CNTNAP5: variants seen among roughly 807,000 people sequenced by gnomAD.
CNTNAP5 encodes contactin associated protein family member 5.
CNTNAP5 carries 72 observed loss-of-function variants against 150.2 expected under a neutral mutation model. That is an observed-to-expected ratio of 0.48 (90% CI 0.40 to 0.58). CNTNAP5 has a LOEUF of 0.58. Ranked by LOEUF, CNTNAP5 falls within the 20% of genes least tolerant of loss-of-function variation. The probability of loss-of-function intolerance (pLI) is 0.00; values close to 1 mark genes in which losing one functional copy is unlikely to be tolerated. For missense variants in CNTNAP5, 1,636 were observed against 1,626.2 expected, an observed-to-expected ratio of 1.01 and a Z score of -0.10; for synonymous variants, 672 against 619.8, an observed-to-expected ratio of 1.08 and a Z score of -1.25.
intron 3 of CNTNAP5, among the ~76,000 whole-genome samples, chr2:124,242,825 T>G (rs181821126): frequency 1.0e-3 from 155 of 152,334 alleles, no homozygotes; most frequent in African/African-American, 3.4e-3. Flanking sequence ...TTGATCAACA[T>G]TGCCCAATGT....
intron 1 of CNTNAP5, among the ~76,000 whole-genome samples, chr2:124,046,828 A>G (rs1369017120): frequency 6.6e-6 from 1 of 152,214 alleles, no homozygotes; most frequent in Non-Finnish European, 1.5e-5. Flanking sequence ...GAGTGATACC[A>G]TGCCTTGTAC....
At position 124,348,792 on chromosome 2, in the gene CNTNAP5, G is replaced by A. The variant is rs187636035; in HGVS notation, c.382-68651G>A. 1.4e-3 allele frequency among the ~76,000 whole-genome samples: 219 copies of A among 152,064 alleles called. 1 individual carries two copies. The highest frequency in any genetic ancestry group is 4.6e-3 in the African/African-American group (192 of 41,476). On this transcript the variant is annotated intron_variant, in intron 3 of 23. Transcript: ENST00000682447. ...TATTTTATGTCTCCCCAAATTTCTA[G>A]AAATAGTGTTATAGAATCACAGGAT...
intron 13 of CNTNAP5, among the ~76,000 whole-genome samples, chr2:124,718,834 A>G (rs1172331326): frequency 1.3e-5 from 2 of 151,952 alleles, no homozygotes; most frequent in Non-Finnish European, 2.9e-5. Flanking sequence ...AGTCCCAGCT[A>G]CTCGGGATGC....
At chr2:124,235,407 A>C (rs1222027797) in intron 2 of CNTNAP5, among the ~76,000 whole-genome samples, 1 of 151,774 alleles carries the variant, frequency 6.6e-6, no homozygotes, top group Non-Finnish European at 1.5e-5. Context: ...CCTAAGAGCT[A>C]AGCTTCTCCT....
intron 3 of CNTNAP5, among the ~76,000 whole-genome samples, chr2:124,371,197 G>A (rs1253707493): frequency 6.6e-6 from 1 of 152,114 alleles, no homozygotes; most frequent in Non-Finnish European, 1.5e-5. Flanking sequence ...GAGGGAAAGT[G>A]AGAGTAACCC....
intron 1 of CNTNAP5, among the ~76,000 whole-genome samples, chr2:124,030,396 T>C (rs1681012149): frequency 6.6e-6 from 1 of 152,120 alleles, no homozygotes; most frequent in Admixed American, 6.6e-5. Flanking sequence ...TCAAGGTTAG[T>C]AGAAGTTAAT....
intron 1 of CNTNAP5, among the ~76,000 whole-genome samples, chr2:124,167,719 A>G (rs987378562): frequency 6.6e-6 from 1 of 152,228 alleles, no homozygotes; most frequent in Non-Finnish European, 1.5e-5. Context: ...GCTACTCTGC[A>G]GTGTGAGAGG....
intron 7 of CNTNAP5, among the ~76,000 whole-genome samples, chr2:124,500,358 G>A (rs1694248255): frequency 6.6e-6 from 1 of 152,124 alleles, no homozygotes. Flanking sequence ...TTTTATAGTA[G>A]CAGGAAAGAT....
intron 8 of CNTNAP5, among the ~76,000 whole-genome samples, chr2:124,520,896 C>T (rs923205472): frequency 1.5e-4 from 23 of 152,168 alleles, no homozygotes; most frequent in Non-Finnish European, 4.4e-5. Context: ...TCCACTTTTA[C>T]CTTTAAGAGA....
chr2:124,436,787 A>G (rs1489594322), intron 5 of CNTNAP5, among the ~76,000 whole-genome samples: 1 of 152,196 alleles, frequency 6.6e-6, no homozygotes, highest in Admixed American at 6.5e-5. Context: ...ATGGAGGATT[A>G]AGTAGTAAGA....
chr2:124,143,888 A>G (rs1418867844), intron 1 of CNTNAP5, among the ~76,000 whole-genome samples: 1 of 108,962 alleles, frequency 9.2e-6, no homozygotes, highest in East Asian at 3.0e-4. Context: ...TTTATCTAGA[A>G]AACCCCATCA....
chr2:124,868,158 C>G (rs984653761), intron 20 of CNTNAP5, among the ~76,000 whole-genome samples: 1 of 152,130 alleles, frequency 6.6e-6, no homozygotes, highest in African/African-American at 2.4e-5. Context: ...CCCTGGCTGT[C>G]TATCCTCAAC....
At chr2:124,237,752 G>C in intron 2 of CNTNAP5, among the ~76,000 whole-genome samples, 1 of 151,934 alleles carries the variant, frequency 6.6e-6, no homozygotes, top group East Asian at 1.9e-4. Flanking sequence ...TGGGAGAATC[G>C]CGTCAACCCA....
chr2:124,689,063 C>T (rs1679249991), intron 13 of CNTNAP5, among the ~76,000 whole-genome samples: 1 of 152,090 alleles, frequency 6.6e-6, no homozygotes, highest in African/African-American at 2.4e-5. Context: ...CCCTGCCATT[C>T]TCCTGCTTCA....
At chr2:124,165,893 G>A (rs1157446715) in intron 1 of CNTNAP5, among the ~76,000 whole-genome samples, 2 of 152,096 alleles carry the variant, frequency 1.3e-5, no homozygotes, top group Admixed American at 6.6e-5. Context: ...CGCAGTGACC[G>A]GCTCTCTCCA....
chr2:124,145,994 G>A (rs999339961), intron 1 of CNTNAP5, among the ~76,000 whole-genome samples: 3 of 151,958 alleles, frequency 2.0e-5, no homozygotes, highest in Admixed American at 6.6e-5. Context: ...CATTTGTACA[G>A]CAATTTTTAT....
intron 2 of CNTNAP5, among the ~76,000 whole-genome samples, chr2:124,236,153 A>G (rs868262746): frequency 2.0e-5 from 3 of 151,968 alleles, no homozygotes; most frequent in South Asian, 2.1e-4. Flanking sequence ...TTGAGTAGAG[A>G]CGGGGTTTCA....
chr2:124,531,809 G>A (rs911382074), intron 10 of CNTNAP5, among the ~76,000 whole-genome samples: 2 of 152,034 alleles, frequency 1.3e-5, no homozygotes, highest in South Asian at 2.1e-4. Context: ...TCCAATTGTC[G>A]ACCTAAAAGG....
intron 12 of CNTNAP5, among the ~76,000 whole-genome samples, chr2:124,628,315 G>A (rs911073661): frequency 6.6e-6 from 1 of 152,138 alleles, no homozygotes; most frequent in Non-Finnish European, 1.5e-5. Flanking sequence ...CAGCCAGAGA[G>A]AAAGGCCAAA....
Sources: gnomAD v4.1 joint callset for allele counts (sites outside exome capture counted in the v4.1 genomes callset) on GRCh38, gnomAD v4.1.1 for gene constraint, MANE v1.5 for transcripts, NCBI Gene and HGNC (gene_info 2026-07-23, HGNC 2026-07-21) for gene names.